The following CTNNAL1 variants were observed in gnomAD, a reference collection of about 807,000 sequenced individuals.
The protein encoded by CTNNAL1 is catenin alpha like 1, also known as alpha-catulin.
A neutral mutation model predicts 93.6 loss-of-function variants in CTNNAL1; 69 were observed. The observed-to-expected ratio is 0.74, with a 90% CI of 0.61 to 0.90. The LOEUF (loss-of-function observed/expected upper bound fraction) is 0.90, where lower values mean the gene tolerates loss of function less well. Ranked by LOEUF, CTNNAL1 falls within the 40% of genes least tolerant of loss-of-function variation. The probability of loss-of-function intolerance (pLI) is 0.00; values close to 1 mark genes in which losing one functional copy is unlikely to be tolerated. For synonymous variants in CTNNAL1, 286 were observed against 305.4 expected, an observed-to-expected ratio of 0.94 and a Z score of 0.66; for missense variants, 836 against 862.0, an observed-to-expected ratio of 0.97 and a Z score of 0.38.
intron 1 of CTNNAL1, among the ~76,000 whole-genome samples, chr9:109,012,017 A>G (rs1827218483): frequency 6.6e-6 from 1 of 152,228 alleles, no homozygotes; most frequent in South Asian, 2.1e-4. Context: ...AGGGTCTGAC[A>G]TTACTGAGGG....
intron 11 of CTNNAL1, among the ~76,000 whole-genome samples, chr9:108,961,415 G>A (rs796950512): frequency 3.9e-5 from 6 of 152,238 alleles, no homozygotes; most frequent in African/African-American, 1.2e-4. Flanking sequence ...AATAAAGGCA[G>A]TACACACAAT....
intron 1 of CTNNAL1, among the ~76,000 whole-genome samples, chr9:109,004,305 T>C (rs969664082): frequency 1.3e-5 from 2 of 152,196 alleles, no homozygotes; most frequent in African/African-American, 2.4e-5. Flanking sequence ...TCCAGTGAAA[T>C]AGGTTAATAT....
intron 8 of CTNNAL1, 31 bp from the exon 9 acceptor site, chr9:108,972,864 G>GGGGGGCCCCCCCCCCCCCCCCCC: frequency 1.4e-5 from 2 of 142,574 alleles, no homozygotes; most frequent in Non-Finnish European, 2.0e-5. Context: ...GGGGGGGTGG[G>GGGGGGCCCCCCCCCCCCCCCCCC]AGGGTGGAGA....
At chr9:108,987,342 T>C (rs1831642552) in intron 4 of CTNNAL1, among the ~76,000 whole-genome samples, 1 of 152,106 alleles carries the variant, frequency 6.6e-6, no homozygotes, top group South Asian at 2.1e-4. Flanking sequence ...TAGTTGTAGA[T>C]ATGCAGCATT....
intron 1 of CTNNAL1, among the ~76,000 whole-genome samples, chr9:109,004,204 GCT>G (rs2132212522): frequency 6.6e-6 from 1 of 152,284 alleles, no homozygotes; most frequent in East Asian, 1.9e-4. Flanking sequence ...AGGTCACACA[GCT>G]AATAAGTGCT....
intron 15 of CTNNAL1, among the ~76,000 whole-genome samples, chr9:108,946,638 T>C (rs1444833636): frequency 6.6e-6 from 1 of 152,236 alleles, no homozygotes; most frequent in Non-Finnish European, 1.5e-5. Flanking sequence ...ATTCTTATTG[T>C]CTATATTCTG....
chr9:108,999,248 C>T lies in CTNNAL1; in HGVS notation c.150G>A (p.Thr50=), dbSNP rs368581163. The change falls in exon 2 of 19, where the codon ACG becomes ACA. Residue 50 remains threonine (T), a synonymous_variant. Coordinates refer to ENST00000325551, the MANE Select transcript of CTNNAL1 (RefSeq NM_003798.4). ...TGGTATTATCTTTATGATTAATAAG[C>T]GTGGTGATCTAAAAATAAAAGATAA... ...TLLPLVSQIT[T]LINHKDNTKK... 20 of 1,579,358 alleles carry T rather than the reference C, an allele frequency of 1.3e-5. No homozygotes were observed. Among genetic ancestry groups the T allele is most frequent in the Middle Eastern group, 1.7e-4 (1 of 5,790 alleles).
chr9:108,999,003 T>A, intron 2 of CTNNAL1, 64 bp downstream of exon 2: 1 of 1,495,846 alleles, frequency 6.7e-7, no homozygotes, highest in South Asian at 1.4e-5. Context: ...AAATCAATAA[T>A]TTTTCATCAT....
intron 9 of CTNNAL1, 54 bp from the exon 10 acceptor site, chr9:108,970,548 C>G (rs576370001): frequency 3.5e-6 from 5 of 1,425,024 alleles, no homozygotes; most frequent in Non-Finnish European, 4.7e-6. Flanking sequence ...CTCCACAATA[C>G]ATAGTATCAT....
chr9:109,001,547 A>G (rs1426810917), intron 1 of CTNNAL1, among the ~76,000 whole-genome samples: 1 of 152,150 alleles, frequency 6.6e-6, no homozygotes, highest in African/African-American at 2.4e-5. Flanking sequence ...CTTTCATCTT[A>G]CTCACTCACT....
intron 1 of CTNNAL1, among the ~76,000 whole-genome samples, chr9:109,005,317 AGAG>A (rs1826988224): frequency 6.6e-6 from 1 of 152,162 alleles, no homozygotes; most frequent in Non-Finnish European, 1.5e-5. Context: ...CCATCTTGGA[AGAG>A]ACTGCAGTGG....
At chr9:108,975,224 CTG>C (rs1359343989) in intron 8 of CTNNAL1, among the ~76,000 whole-genome samples, 8 of 151,448 alleles carry the variant, frequency 5.3e-5, no homozygotes, top group Admixed American at 5.3e-4. Context: ...AATGAGAGGT[CTG>C]TGTGAGGAGG....
chr9:108,950,395 A>G, intron 14 of CTNNAL1: 1 of 1,152,224 alleles, frequency 8.7e-7, no homozygotes, highest in Non-Finnish European at 1.2e-6. Context: ...AATGGAAGGA[A>G]ACCACCAAAG....
chr9:108,999,151 C>G lies in CTNNAL1; in HGVS notation c.247G>C (p.Val83Leu), dbSNP rs140648408. 9 of 1,613,752 alleles carry G rather than the reference C, an allele frequency of 5.6e-6. No homozygotes were observed. The stretch of plus-strand genomic sequence containing the variant: ...TTGGCTATAGCTTCTCCTACTTTAA[C>G]AAATCTTCCAACTGCCAAGTTGACA... ...QAVNLAVGRF[V>L]KVGEAIANEN... The change falls in exon 2 of 19, where the codon GTT becomes CTT. Residue 83 changes from valine to leucine, a missense_variant. Physicochemically the swap from Val to Leu is conservative, Grantham distance 32. Transcript: ENST00000325551.
At position 108,979,401 on chromosome 9, in the gene CTNNAL1, C is replaced by A; in HGVS notation, c.981G>T (p.Glu327Asp). 1 of 1,614,162 alleles carries A rather than the reference C, an allele frequency of 6.2e-7. No individual in the cohort carries two copies. The change falls in exon 7 of 19, where the codon GAG becomes GAT. Residue 327 changes from glutamate to aspartate, a missense_variant. Glu to Asp is a conservative substitution (Grantham distance 45). Coordinates refer to ENST00000325551, the MANE Select transcript of CTNNAL1 (RefSeq NM_003798.4). ...NLSVTLEVIL[E>D]RMEDFTDSAY... ...CAGAATCAGTAAAGTCCTCCATACG[C>A]TCCAAGATGACTTCCAATGTCACAG...
chr9:108,999,190 G>A lies in CTNNAL1; in HGVS notation c.208C>T (p.Arg70Cys), dbSNP rs1309947104. ...KSDKTLQAIQ[R>C]VGQAVNLAVG... ...GCCAAGTTGACAGCTTGTCCTACAC[G>A]CTGAATTGCTTGCAGAGTTTTATCA... is the stretch of plus-strand genomic sequence containing the variant. Residue 70 changes from arginine (R) to cysteine (C), a missense_variant, in exon 2 of 19, where the codon CGT becomes TGT. Coordinates refer to ENST00000325551, the MANE Select transcript of CTNNAL1 (RefSeq NM_003798.4). 1.2e-5 allele frequency: 20 copies of A among 1,612,574 alleles called. No individual in the cohort carries two copies. The East Asian group carries it at 1.3e-4, about 11-fold the overall frequency.
At chr9:108,999,393 G>C (rs1236305210) in intron 1 of CTNNAL1, 137 bp from the exon 2 acceptor site, 1 of 755,800 alleles carries the variant, frequency 1.3e-6, no homozygotes, top group East Asian at 3.0e-5. Flanking sequence ...TGCTTCAACA[G>C]AGACAACCAG....
At chr9:108,980,524 A>G (rs1831397302) in intron 6 of CTNNAL1, among the ~76,000 whole-genome samples, 1 of 152,222 alleles carries the variant, frequency 6.6e-6, no homozygotes, top group Admixed American at 6.5e-5. Context: ...AACATCATCC[A>G]TGAAAATATC....
At chr9:109,006,290 C>T (rs1827024247) in intron 1 of CTNNAL1, among the ~76,000 whole-genome samples, 1 of 152,180 alleles carries the variant, frequency 6.6e-6, no homozygotes, top group South Asian at 2.1e-4. Flanking sequence ...AGGCACTAGC[C>T]TATGTGTTTT....
Sources: allele counts gnomAD v4.1 joint callset (sites outside exome capture counted in the v4.1 genomes callset), GRCh38; gene constraint gnomAD v4.1.1; transcripts MANE v1.5; gene names NCBI Gene and HGNC (gene_info 2026-07-23, HGNC 2026-07-21).